BABAM2: variants seen among roughly 807,000 people sequenced by gnomAD.
BABAM2 encodes BRISC and BRCA1-A complex member 2.
In BABAM2, 31 loss-of-function variants were observed where a neutral mutation model predicts 54.7. That is an observed-to-expected ratio of 0.57 (90% CI 0.43 to 0.77). The LOEUF is 0.77. BABAM2 is among the 30% of genes least tolerant of loss of function. The pLI, the probability that BABAM2 is intolerant of heterozygous loss-of-function variation, is 0.00. For missense variants in BABAM2, 364 were observed against 455.8 expected (o/e 0.80, Z 1.83); for synonymous variants, 167 against 162.9 (o/e 1.03, Z -0.19).
At chr2:28,235,021 T>C (rs1277652312) in intron 7 of BABAM2, among the ~76,000 whole-genome samples, 1 of 152,248 alleles carries the variant, frequency 6.6e-6, no homozygotes, top group African/African-American at 2.4e-5. Context: ...TCAAACACTG[T>C]CTTATAATTT....
intron 7 of BABAM2, among the ~76,000 whole-genome samples, chr2:28,233,602 C>G (rs1681624032): frequency 6.6e-6 from 1 of 152,206 alleles, no homozygotes; most frequent in Non-Finnish European, 1.5e-5. Context: ...CAGTGTGTGA[C>G]ACTGGATGTA....
chr2:27,977,383 A>G (rs998641355), intron 3 of BABAM2, among the ~76,000 whole-genome samples: 5 of 152,198 alleles, frequency 3.3e-5, no homozygotes, highest in Admixed American at 3.3e-4. Context: ...GATGGACTTT[A>G]AATAGGTAAA....
At chr2:27,965,851 C>G (rs1670801716) in intron 3 of BABAM2, among the ~76,000 whole-genome samples, 2 of 151,876 alleles carry the variant, frequency 1.3e-5, no homozygotes, top group Non-Finnish European at 2.9e-5. Context: ...TTTCCTCCTC[C>G]TTGTTTTCTT....
At chr2:28,038,296 C>A (rs6731650) in intron 5 of BABAM2, among the ~76,000 whole-genome samples, 99,463 of 151,992 alleles carry the variant, frequency 0.65, 34,237 homozygotes, top group Middle Eastern at 0.8. Context: ...GAGCCCCCAA[C>A]CCTAGATGGT....
At chr2:28,058,771 C>T (rs1678633846) in intron 6 of BABAM2, among the ~76,000 whole-genome samples, 1 of 152,040 alleles carries the variant, frequency 6.6e-6, no homozygotes, top group Non-Finnish European at 1.5e-5. Context: ...ACAGAATAAT[C>T]ATATATCTGT....
chr2:27,902,947 AAG>A (rs1665912172), intron 2 of BABAM2, among the ~76,000 whole-genome samples: 1 of 144,948 alleles, frequency 6.9e-6, no homozygotes, highest in South Asian at 2.2e-4. Flanking sequence ...GAGAGAGAGA[AAG>A]AGAGTTTTAA....
At chr2:28,205,062 C>T (rs1678693251) in intron 7 of BABAM2, among the ~76,000 whole-genome samples, 1 of 151,130 alleles carries the variant, frequency 6.6e-6, no homozygotes, top group Non-Finnish European at 1.5e-5. Flanking sequence ...ATCACTGGGT[C>T]ATTGAAAACA....
intron 7 of BABAM2, among the ~76,000 whole-genome samples, chr2:28,221,169 A>G (rs987329639): frequency 1.4e-5 from 2 of 147,924 alleles, no homozygotes; most frequent in South Asian, 4.4e-4. Flanking sequence ...GACACCAGGC[A>G]GTCCCTTTTC....
In BABAM2 at chr2:28,045,355, A is replaced by AT. The variant is rs1434783108; in HGVS notation, c.496-369dup. 2.6e-5 allele frequency among the ~76,000 whole-genome samples: 4 copies of AT among 152,204 alleles called. 1 individual carries two copies. Among genetic ancestry groups the AT allele is most frequent in the Non-Finnish European group, 5.9e-5 (4 of 68,034 alleles). On this transcript the variant is annotated intron_variant, in intron 5 of 11. Coordinates refer to ENST00000379624, the MANE Select transcript of BABAM2 (RefSeq NM_199191.3). ...TTAGTGATGTGGTCTGAATGCTTTAATAAAAACAAATGAATCAAAGGGGTA... is the reference window on the plus strand; with the variant it reads ...TTAGTGATGTGGTCTGAATGCTTTAATTAAAAACAAATGAATCAAAGGGGTA...
intron 2 of BABAM2, among the ~76,000 whole-genome samples, chr2:27,909,124 A>G (rs1472246785): frequency 6.6e-6 from 1 of 152,042 alleles, no homozygotes; most frequent in Non-Finnish European, 1.5e-5. Context: ...CTCACTGTGC[A>G]GCCTCCACCT....
At chr2:28,320,928 G>A (rs1489314041) in intron 11 of BABAM2, among the ~76,000 whole-genome samples, 3 of 152,282 alleles carry the variant, frequency 2.0e-5, no homozygotes, top group Middle Eastern at 3.4e-3. Flanking sequence ...ATTAAAATGA[G>A]GTTATTTTGA....
intron 4 of BABAM2, among the ~76,000 whole-genome samples, chr2:28,008,716 C>A (rs974547602): frequency 1.3e-5 from 2 of 152,044 alleles, no homozygotes; most frequent in African/African-American, 2.4e-5. Context: ...TTGGCACTTT[C>A]CCCCCAGGGC....
At chr2:28,300,114 T>G (rs1242716657) in intron 11 of BABAM2, among the ~76,000 whole-genome samples, 2 of 152,066 alleles carry the variant, frequency 1.3e-5, no homozygotes, top group Non-Finnish European at 2.9e-5. Flanking sequence ...AATTTGTGTA[T>G]TTTGAGTAGA....
chr2:27,942,143 T>G (rs1668936484), intron 3 of BABAM2, among the ~76,000 whole-genome samples: 2 of 152,170 alleles, frequency 1.3e-5, no homozygotes, highest in Non-Finnish European at 1.5e-5. Context: ...ATGCTGCTCA[T>G]TACTTATGTA....
chr2:27,970,225 C>T (rs1029917061), intron 3 of BABAM2, among the ~76,000 whole-genome samples: 1 of 152,156 alleles, frequency 6.6e-6, no homozygotes, highest in African/African-American at 2.4e-5. Context: ...TAGATCCTGA[C>T]TAATTCCTGT....
At chr2:27,897,804 A>G (rs1665460238) in intron 2 of BABAM2, among the ~76,000 whole-genome samples, 1 of 152,170 alleles carries the variant, frequency 6.6e-6, no homozygotes, top group Non-Finnish European at 1.5e-5. Context: ...CCACATTATT[A>G]TAGACAATCT....
chr2:28,258,988 G>A (rs571695946), intron 10 of BABAM2, among the ~76,000 whole-genome samples: 8 of 146,210 alleles, frequency 5.5e-5, no homozygotes, highest in Admixed American at 2.1e-4. Flanking sequence ...TGTTGGCCAG[G>A]ATGGTCTCGA....
intron 5 of BABAM2, among the ~76,000 whole-genome samples, chr2:28,035,668 C>T (rs1318413393): frequency 6.6e-6 from 1 of 152,052 alleles, no homozygotes; most frequent in African/African-American, 2.4e-5. Context: ...TTTTAATTGT[C>T]TTTGTAATGG....
intron 3 of BABAM2, among the ~76,000 whole-genome samples, chr2:27,964,570 G>A (rs772606867): frequency 3.3e-5 from 5 of 152,152 alleles, no homozygotes; most frequent in Non-Finnish European, 7.4e-5. Context: ...TGCTGTGCCT[G>A]TAATATGGTA....
Sources: allele counts gnomAD v4.1 joint callset (sites outside exome capture counted in the v4.1 genomes callset), GRCh38; gene constraint gnomAD v4.1.1; transcripts MANE v1.5; gene names NCBI Gene and HGNC (gene_info 2026-07-23, HGNC 2026-07-21).